Variants in NETO1 observed in about 807,000 individuals in gnomAD.
NETO1 encodes neuropilin and tolloid-like protein 1.
Under a neutral mutation model 61.3 loss-of-function variants are expected in NETO1, and 26 were observed. The observed-to-expected ratio is 0.42, with a 90% CI of 0.31 to 0.59. NETO1 has a LOEUF of 0.59. Among genes scored for constraint, NETO1 ranks in the 20% least tolerant of loss-of-function variants. The probability of loss-of-function intolerance (pLI) is 0.12; values close to 1 mark genes in which losing one functional copy is unlikely to be tolerated. For missense variants in NETO1, 531 were observed against 662.8 expected (o/e 0.80, Z 2.18); for synonymous variants, 225 against 225.8 (o/e 1.00, Z 0.03).
chr18:72,751,914 T>C (rs1218150757), intron 8 of NETO1: 3 of 152,226 alleles, frequency 2.0e-5, no homozygotes, highest in African/African-American at 7.2e-5. Context: ...TATGGAGATT[T>C]TGTGGTATGC....
intron 7 of NETO1, among the ~76,000 whole-genome samples, chr18:72,764,269 GTC>G (rs2071078623): frequency 6.6e-6 from 1 of 152,102 alleles, no homozygotes; most frequent in African/African-American, 2.4e-5. Flanking sequence ...CCTTGGGATG[GTC>G]TAGAATCTAT....
intron 4 of NETO1, among the ~76,000 whole-genome samples, chr18:72,797,318 T>G (rs942876208): frequency 2.0e-5 from 3 of 152,202 alleles, no homozygotes; most frequent in African/African-American, 7.2e-5. Context: ...GAAAATTTAT[T>G]TTTGTCTTTG....
intron 4 of NETO1, among the ~76,000 whole-genome samples, chr18:72,852,234 A>T (rs1420260389): frequency 6.6e-6 from 1 of 152,106 alleles, no homozygotes; most frequent in Non-Finnish European, 1.5e-5. Flanking sequence ...TTTCTTTTTG[A>T]GATGGAGTCT....
chr18:72,784,433 T>G (rs1165303758), intron 6 of NETO1, among the ~76,000 whole-genome samples: 1 of 152,222 alleles, frequency 6.6e-6, no homozygotes, highest in Non-Finnish European at 1.5e-5. Context: ...GTATAATTTT[T>G]TATAAAAAGG....
chr18:72,857,290 A>C (rs2074436657), intron 4 of NETO1, among the ~76,000 whole-genome samples: 1 of 152,228 alleles, frequency 6.6e-6, no homozygotes, highest in Non-Finnish European at 1.5e-5. Flanking sequence ...CTATAAATGC[A>C]GTATGGTGGC....
chr18:72,803,062 G>A (rs1376453659), intron 4 of NETO1, among the ~76,000 whole-genome samples: 1 of 152,030 alleles, frequency 6.6e-6, no homozygotes, highest in African/African-American at 2.4e-5. Flanking sequence ...GTTTAGATTT[G>A]GATGTTTGGC....
chr18:72,861,596 C>T (rs373947848), intron 3 of NETO1, among the ~76,000 whole-genome samples: 1 of 152,188 alleles, frequency 6.6e-6, no homozygotes, highest in East Asian at 1.9e-4. Context: ...CTGGATAGTG[C>T]ACATATATAC....
intron 7 of NETO1, among the ~76,000 whole-genome samples, chr18:72,767,215 C>T (rs1238461897): frequency 6.6e-6 from 1 of 152,168 alleles, no homozygotes; most frequent in East Asian, 1.9e-4. Context: ...AGTTCAGAGG[C>T]TATCAATTAA....
intron 7 of NETO1, among the ~76,000 whole-genome samples, chr18:72,758,165 C>T (rs1409513179): frequency 6.6e-6 from 1 of 151,882 alleles, no homozygotes; most frequent in African/African-American, 2.4e-5. Flanking sequence ...CCAAATAATC[C>T]AAATGGGATT....
At chr18:72,832,150 T>C (rs546818972) in intron 4 of NETO1, among the ~76,000 whole-genome samples, 1 of 152,312 alleles carries the variant, frequency 6.6e-6, no homozygotes, top group South Asian at 2.1e-4. Flanking sequence ...TTGGATGATA[T>C]ATTCAGAATT....
Position 72,830,080 on chromosome 18 carries a change from A to G in NETO1, c.469+28746T>C, listed in dbSNP as rs78643290. On this transcript the variant is annotated intron_variant, in intron 4 of 10. Coordinates refer to ENST00000327305, the MANE Select transcript of NETO1 (RefSeq NM_138966.5). The surrounding 1 kb of genome is among the most constrained non-coding windows in gnomAD (Gnocchi z 4.9). ...AGTGTGTGTCTGTGAGATTGCCTCA[A>G]TTCAGGCCCACATCTACCTATGTGG... 1.3e-3 allele frequency among the ~76,000 whole-genome samples: 201 copies of G among 152,314 alleles called. 6 individuals carry two copies. In the East Asian group the frequency reaches 0.032, roughly 24 times the overall value.
intron 4 of NETO1, among the ~76,000 whole-genome samples, chr18:72,828,947 T>C (rs757211705): frequency 5.5e-5 from 8 of 145,704 alleles, no homozygotes; most frequent in Non-Finnish European, 7.5e-5. Flanking sequence ...CTGGAGAATT[T>C]AGTCTCCAAG....
chr18:72,816,276 T>C (rs8098889), intron 4 of NETO1, among the ~76,000 whole-genome samples: 144,913 of 152,230 alleles, frequency 0.95, 69,438 homozygotes, highest in East Asian at 1. Flanking sequence ...AAAAGAAGCA[T>C]TCATGCAACT....
At chr18:72,800,723 TG>T (rs2072477381) in intron 4 of NETO1, among the ~76,000 whole-genome samples, 1 of 152,200 alleles carries the variant, frequency 6.6e-6, no homozygotes, top group Non-Finnish European at 1.5e-5. Context: ...TAAGGGACTT[TG>T]TGTCTCTTGA....
chr18:72,817,001 CA>C (rs1431577527), intron 4 of NETO1, among the ~76,000 whole-genome samples: 5 of 152,132 alleles, frequency 3.3e-5, no homozygotes, highest in Admixed American at 2.0e-4. Flanking sequence ...TTATTACAGC[CA>C]GGGGGCACCC....
intron 4 of NETO1, among the ~76,000 whole-genome samples, chr18:72,801,715 T>C (rs2072513011): frequency 6.6e-6 from 1 of 152,220 alleles, no homozygotes; most frequent in African/African-American, 2.4e-5. Flanking sequence ...TTTGCTGCTT[T>C]ATTTTGTAAA....
At chr18:72,796,208 T>C (rs2145291881) in intron 4 of NETO1, among the ~76,000 whole-genome samples, 1 of 152,340 alleles carries the variant, frequency 6.6e-6, no homozygotes, top group Middle Eastern at 3.4e-3. Context: ...TGCGTTTCTT[T>C]GTATGTCTGT....
At position 72,866,755 on chromosome 18, in the gene NETO1, G is replaced by A. The variant is rs2074746107; in HGVS notation, c.28+509C>T. The A allele has an allele frequency of 3.0e-6, 3 of 989,820 alleles. No individual in the cohort carries two copies. The African/African-American group carries it at 5.2e-5, about 17-fold the overall frequency. 61.3% of individuals were successfully genotyped at this position (989,820 alleles called of 1,614,324 possible). On this transcript the variant is annotated intron_variant, in intron 1 of 10. Transcript: ENST00000327305. ...CCGCGTTACCACACACCCATAAAGC[G>A]ACATCAGCGGTCTCCAGGGCGGAAA... is the stretch of plus-strand genomic sequence containing the variant.
Position 72,750,561 on chromosome 18 carries a change from C to T in NETO1, c.1042G>A (p.Val348Met), listed in dbSNP as rs757058941. The change falls in exon 9 of 11, where the codon GTG (valine) becomes ATG (methionine). Residue 348 changes from valine to methionine, a missense_variant. Physicochemically the swap from Val to Met is conservative, Grantham distance 21. Coordinates refer to ENST00000327305, the MANE Select transcript of NETO1 (RefSeq NM_138966.5). ...AGGATGATCACGATGCAGGAAGTCA[C>T]GCCAATGACAGTCCCACTGGTGTTG... ...LTNTSGTVIG[V>M]TSCIVIILII... 4.3e-5 allele frequency: 70 copies of T among 1,612,740 alleles called. 1 individual carries two copies. The highest frequency in any genetic ancestry group is 8.0e-5 in the African/African-American group (6 of 74,886).
Sources: gnomAD v4.1 joint callset for allele counts (sites outside exome capture counted in the v4.1 genomes callset) on GRCh38, gnomAD v4.1.1 for gene constraint, Gnocchi (gnomAD v3.1) non-coding constraint, MANE v1.5 for transcripts, NCBI Gene and HGNC (gene_info 2026-07-23, HGNC 2026-07-21) for gene names.